The following NELL1 variants were observed in gnomAD, a reference collection of about 807,000 sequenced individuals.
NELL1 encodes neural EGFL like 1, also known as protein kinase C-binding protein NELL1.
In NELL1, 76 loss-of-function variants were observed where a neutral mutation model predicts 107.4. That is an observed-to-expected ratio of 0.71 (90% CI 0.59 to 0.86). NELL1 has a LOEUF of 0.86. Ranked by LOEUF, NELL1 falls within the 40% of genes least tolerant of loss-of-function variation. The pLI, the probability that NELL1 is intolerant of heterozygous loss-of-function variation, is 0.00. For synonymous variants in NELL1, 353 were observed against 341.2 expected, an observed-to-expected ratio of 1.03 and a Z score of -0.38; for missense variants, 1,024 against 1,005.5, an observed-to-expected ratio of 1.02 and a Z score of -0.25.
At position 20,746,964 on chromosome 11, in the gene NELL1, C is replaced by G. The variant is rs538655941; in HGVS notation, c.185-36716C>G. Reference sequence around the variant, plus strand: ...GATAAAACCCTTTCATTTTCTTTGCCCTCGAAAGGAGAAGTCCCTGGTGGT... The same window carrying G: ...GATAAAACCCTTTCATTTTCTTTGCGCTCGAAAGGAGAAGTCCCTGGTGGT... On this transcript the variant is annotated intron_variant, in intron 2 of 19. Transcript: ENST00000357134. Among the ~76,000 whole-genome samples, 9 of 152,276 alleles carry G rather than the reference C, an allele frequency of 5.9e-5. No homozygotes were observed. In the East Asian group the frequency reaches 1.4e-3, roughly 23 times the overall value.
At chr11:21,435,476 T>C (rs1853085018) in intron 15 of NELL1, among the ~76,000 whole-genome samples, 1 of 147,642 alleles carries the variant, frequency 6.8e-6, no homozygotes, top group Non-Finnish European at 1.5e-5. Context: ...GATGTTAGCT[T>C]TTATCGTTTT....
intron 13 of NELL1, among the ~76,000 whole-genome samples, chr11:21,185,338 C>T (rs1028934444): frequency 3.4e-5 from 5 of 147,438 alleles, no homozygotes; most frequent in Admixed American, 2.7e-4. Context: ...TCTTGTTGCC[C>T]AGGCTGGAGC....
At chr11:20,721,692 A>C (rs1855392144) in intron 2 of NELL1, among the ~76,000 whole-genome samples, 1 of 152,160 alleles carries the variant, frequency 6.6e-6, no homozygotes, top group Non-Finnish European at 1.5e-5. Context: ...AGTCTAGCAT[A>C]ATATAATATT....
chr11:20,903,462 G>T (rs1031319636), intron 5 of NELL1, among the ~76,000 whole-genome samples: 1 of 152,002 alleles, frequency 6.6e-6, no homozygotes, highest in Non-Finnish European at 1.5e-5. Context: ...GAACAGTAGG[G>T]TCTAAGAACT....
At chr11:21,337,732 TTTCCTTTC>T (rs1367696958) in intron 14 of NELL1, among the ~76,000 whole-genome samples, 3 of 146,654 alleles carry the variant, frequency 2.0e-5, no homozygotes, top group South Asian at 2.2e-4. Flanking sequence ...CTTTTCTTTC[TTTCCTTTC>T]TTTCTTTCTT....
chr11:20,980,168 G>A (rs1271032729), intron 12 of NELL1, among the ~76,000 whole-genome samples: 2 of 152,094 alleles, frequency 1.3e-5, no homozygotes, highest in Admixed American at 1.3e-4. Context: ...CTTGTTCTCA[G>A]ATACTGTGCT....
At chr11:20,710,338 T>C (rs768224868) in intron 2 of NELL1, among the ~76,000 whole-genome samples, 12 of 152,212 alleles carry the variant, frequency 7.9e-5, no homozygotes, top group Non-Finnish European at 1.6e-4. Context: ...GTCTGTGTGA[T>C]GTAGCACATT....
chr11:21,159,331 A>T (rs1029645833), intron 13 of NELL1, among the ~76,000 whole-genome samples: 175 of 152,316 alleles, frequency 1.1e-3, no homozygotes, highest in Non-Finnish European at 6.5e-4. Flanking sequence ...CCTGATCATG[A>T]TAAATTTAAG....
intron 15 of NELL1, among the ~76,000 whole-genome samples, chr11:21,467,257 C>G (rs1459337784): frequency 1.3e-5 from 2 of 152,030 alleles, no homozygotes; most frequent in African/African-American, 4.8e-5. Flanking sequence ...GTTTCCTCAG[C>G]TGTAAATTGG....
intron 5 of NELL1, among the ~76,000 whole-genome samples, chr11:20,911,351 T>C (rs1318511599): frequency 1.3e-5 from 2 of 152,210 alleles, no homozygotes; most frequent in East Asian, 3.8e-4. Context: ...GAAATCCTAC[T>C]AAGTTAGTGA....
At chr11:20,799,759 A>G (rs1168705756) in intron 3 of NELL1, among the ~76,000 whole-genome samples, 1 of 152,140 alleles carries the variant, frequency 6.6e-6, no homozygotes, top group East Asian at 1.9e-4. Flanking sequence ...ATGCTGAGGG[A>G]TATGGAGATA....
At chr11:21,513,369 A>T (rs1304977903) in intron 15 of NELL1, among the ~76,000 whole-genome samples, 6 of 152,160 alleles carry the variant, frequency 3.9e-5, no homozygotes. Flanking sequence ...GTCATTCCTC[A>T]GTGAATGTGT....
chr11:20,864,555 C>T (rs558328919), intron 4 of NELL1, among the ~76,000 whole-genome samples: 1 of 152,322 alleles, frequency 6.6e-6, no homozygotes, highest in South Asian at 2.1e-4. Flanking sequence ...TCTGAGAGGC[C>T]AGAGTGCCTC....
At chr11:21,227,833 G>C (rs1330536138) in intron 13 of NELL1, among the ~76,000 whole-genome samples, 1 of 152,096 alleles carries the variant, frequency 6.6e-6, no homozygotes, top group Non-Finnish European at 1.5e-5. Flanking sequence ...TCAACAATCA[G>C]ATGCATGTGT....
intron 5 of NELL1, among the ~76,000 whole-genome samples, chr11:20,911,484 G>A (rs182680441): frequency 5.3e-5 from 8 of 152,276 alleles, no homozygotes; most frequent in East Asian, 1.9e-4. Flanking sequence ...CAAAGTCTTT[G>A]CTCCTTCATT....
chr11:20,982,193 G>A (rs1466560634), intron 12 of NELL1, among the ~76,000 whole-genome samples: 1 of 152,094 alleles, frequency 6.6e-6, no homozygotes, highest in Non-Finnish European at 1.5e-5. Flanking sequence ...AGCCAGTCCT[G>A]AAACACAGTC....
chr11:21,206,217 C>A (rs529572431), intron 13 of NELL1, among the ~76,000 whole-genome samples: 1 of 152,294 alleles, frequency 6.6e-6, no homozygotes, highest in East Asian at 1.9e-4. Flanking sequence ...TTCCTTGCCT[C>A]TTCCACCTTC....
chr11:21,217,413 T>C (rs1857642280), intron 13 of NELL1, among the ~76,000 whole-genome samples: 1 of 152,048 alleles, frequency 6.6e-6, no homozygotes, highest in Non-Finnish European at 1.5e-5. Flanking sequence ...GGGTGAAGGG[T>C]ACATAGGAGT....
intron 13 of NELL1, among the ~76,000 whole-genome samples, chr11:21,189,439 A>C (rs1013584291): frequency 4.6e-5 from 7 of 151,848 alleles, no homozygotes; most frequent in Non-Finnish European, 8.8e-5. Flanking sequence ...TTCATTTAAG[A>C]CACATTGCAC....
Sources: allele counts gnomAD v4.1 joint callset (sites outside exome capture counted in the v4.1 genomes callset), GRCh38; gene constraint gnomAD v4.1.1; transcripts MANE v1.5; gene names NCBI Gene and HGNC (gene_info 2026-07-23, HGNC 2026-07-21).